Variants in SLC12A3 observed in about 807,000 individuals in gnomAD.
SLC12A3 encodes solute carrier family 12 member 3.
A neutral mutation model predicts 121.0 loss-of-function variants in SLC12A3; 104 were observed. The observed-to-expected ratio is 0.86, with a 90% CI of 0.73 to 1.01. The LOEUF is 1.01. Among genes scored for constraint, SLC12A3 ranks in the 50% least tolerant of loss-of-function variants. The pLI is 0.00. For missense variants in SLC12A3, 1,328 were observed against 1,356.3 expected, an observed-to-expected ratio of 0.98 and a Z score of 0.33; for synonymous variants, 536 against 533.4, an observed-to-expected ratio of 1.00 and a Z score of -0.07.
chr16:56,902,946 G>A (rs1052512136), intron 24 of SLC12A3, among the ~76,000 whole-genome samples: 11 of 152,076 alleles, frequency 7.2e-5, no homozygotes, highest in African/African-American at 2.4e-4. Flanking sequence ...AGGAGTTCAA[G>A]ACCAGCCTGA....
chr16:56,882,441 G>T lies in SLC12A3; in HGVS notation c.1613G>T (p.Cys538Phe). The change falls in exon 13 of 26, where the codon TGC (cysteine) becomes TTC (phenylalanine). Residue 538 changes from cysteine to phenylalanine, a missense_variant. Coordinates refer to ENST00000563236, the MANE Select transcript of SLC12A3 (RefSeq NM_001126108.2). ...CCCATCATTTCCAACTTCTTCCTCT[G>T]CTCCTATGCCCTCATCAACTTCAGC... ...IAPIISNFFL[C>F]SYALINFSCF... The T allele has an allele frequency of 6.2e-7, 1 of 1,614,058 alleles. No homozygotes were observed. The highest frequency in any genetic ancestry group is 8.5e-7 in the Non-Finnish European group (1 of 1,180,018).
rs1461849644 is a variant in SLC12A3 at position 56,912,953 on chromosome 16, T to TA, written c.2925-310dup. Among the ~76,000 whole-genome samples the TA allele has an allele frequency of 5.3e-5, 8 of 151,892 alleles. No individual in the cohort carries two copies. The East Asian group carries it at 1.5e-3, about 29-fold the overall frequency. ...GGCAGGAGTGAGCTTGGCATTTTTT[T>TA]AGGAATGGAAAGAAAGCCACAGGGC... On this transcript the variant is annotated intron_variant, in intron 25 of 25. Transcript: ENST00000563236.
chr16:56,909,123 G>A (rs1234315244), intron 25 of SLC12A3, among the ~76,000 whole-genome samples: 2 of 152,096 alleles, frequency 1.3e-5, no homozygotes, highest in African/African-American at 2.4e-5. Flanking sequence ...TCATTAAAAT[G>A]AGTCTCAGCT....
At chr16:56,912,568 C>T (rs1201061399) in intron 25 of SLC12A3, among the ~76,000 whole-genome samples, 3 of 152,284 alleles carry the variant, frequency 2.0e-5, no homozygotes, top group Admixed American at 6.5e-5. Context: ...TGGCATGAAG[C>T]GGGTGGCCTG....
intron 22 of SLC12A3, among the ~76,000 whole-genome samples, chr16:56,898,934 C>T (rs1398830889): frequency 6.6e-6 from 1 of 152,194 alleles, no homozygotes. Flanking sequence ...CAGGCCTCAC[C>T]CCAGACCAGC....
chr16:56,895,424 C>A (rs2055449499), intron 22 of SLC12A3, among the ~76,000 whole-genome samples: 1 of 150,738 alleles, frequency 6.6e-6, no homozygotes. Context: ...GAACTCCTGA[C>A]CTCAAGTGAT....
intron 19 of SLC12A3, among the ~76,000 whole-genome samples, chr16:56,890,909 A>C (rs1326803342): frequency 5.3e-5 from 8 of 151,918 alleles, no homozygotes; most frequent in African/African-American, 1.9e-4. Flanking sequence ...TCTCAAAAAA[A>C]AAAAAAAAGA....
rs1350018283 is a variant in SLC12A3, at chr16:56,908,164, T to TC, written c.2924+3702_2924+3703insC. Among the ~76,000 whole-genome samples, 3 of 141,096 alleles carry TC rather than the reference T, an allele frequency of 2.1e-5. No homozygotes were observed. The East Asian group carries it at 5.9e-4, about 28-fold the overall frequency. The allele number at this position is 141,096 out of a possible 152,430, so 92.6% of individuals were successfully genotyped here. On this transcript the variant is annotated intron_variant, in intron 25 of 25. Coordinates refer to ENST00000563236, the MANE Select transcript of SLC12A3 (RefSeq NM_001126108.2). ...CATTTCTCAGATAGTGATATAACTT[T>TC]TTTTTTTTTTTTTTTTGAGGCAGAG...
chr16:56,887,788 ATATATATATATTT>A lies in SLC12A3; in HGVS notation c.2179-135_2179-123del, dbSNP rs1567438592. 9.6e-5 allele frequency: 10 copies of A among 103,920 alleles called. No individual in the cohort carries two copies. The East Asian group carries it at 1.4e-3, about 14-fold the overall frequency. The allele number at this position is 103,920 out of a possible 1,614,324, so 6.4% of individuals were successfully genotyped here. On this transcript the variant is annotated intron_variant, in intron 17 of 25. Coordinates refer to ENST00000563236, the MANE Select transcript of SLC12A3 (RefSeq NM_001126108.2). ...TTTTTAAGATTATATATATATATAT[ATATATATATATTT>A]TTTTTTTTTTTTTTTTTGAGAATCA... is the stretch of plus-strand genomic sequence containing the variant.
intron 15 of SLC12A3, among the ~76,000 whole-genome samples, chr16:56,885,624 G>T (rs1467867711): frequency 6.6e-6 from 1 of 152,158 alleles, no homozygotes; most frequent in Non-Finnish European, 1.5e-5. Flanking sequence ...GTGTTGAGGT[G>T]ATTGTTGCTG....
At chr16:56,907,419 C>T (rs879720065) in intron 25 of SLC12A3, among the ~76,000 whole-genome samples, 6 of 150,974 alleles carry the variant, frequency 4.0e-5, no homozygotes, top group Non-Finnish European at 8.8e-5. Flanking sequence ...GATCATGCCA[C>T]TGCACTCCAG....
At position 56,878,140 on chromosome 16, in the gene SLC12A3, C is replaced by A; in HGVS notation, c.1159C>A (p.Leu387Met). Reference sequence around the variant, plus strand: ...CATTTTCTGGACGACCATTTCCTACCTGGCCATCTCAGCCACCATTGGTAA... The same window carrying A: ...CATTTTCTGGACGACCATTTCCTACATGGCCATCTCAGCCACCATTGGTAA... ...MAIFWTTISY[L>M]AISATIGSCV... Residue 387 changes from leucine (L) to methionine (M), a missense_variant, in exon 9 of 26, where the codon CTG becomes ATG. Transcript: ENST00000563236. 1 of 1,609,546 alleles carries A rather than the reference C, an allele frequency of 6.2e-7. No homozygotes were observed. The highest frequency in any genetic ancestry group is 8.5e-7 in the Non-Finnish European group (1 of 1,178,300).
intron 19 of SLC12A3, among the ~76,000 whole-genome samples, chr16:56,891,123 C>T (rs2055382595): frequency 1.3e-5 from 2 of 151,850 alleles, no homozygotes; most frequent in Admixed American, 1.3e-4. Flanking sequence ...TCTGTAATCC[C>T]AGCACTTTGG....
intron 17 of SLC12A3, 73 bp from the exon 18 acceptor site, chr16:56,887,852 G>A: frequency 1.2e-6 from 1 of 852,922 alleles, no homozygotes; most frequent in Non-Finnish European, 1.9e-6. Context: ...TCAGAAAGTT[G>A]GGGCTCTGGC....
intron 3 of SLC12A3, among the ~76,000 whole-genome samples, chr16:56,868,980 A>T (rs909679795): frequency 5.6e-5 from 8 of 142,518 alleles, no homozygotes; most frequent in African/African-American, 1.1e-4. Flanking sequence ...TCTCAAAAAA[A>T]ATAAAAAATA....
At chr16:56,893,149 A>C in intron 21 of SLC12A3, 95 bp downstream of exon 21, 1 of 1,030,700 alleles carries the variant, frequency 9.7e-7, no homozygotes, top group Non-Finnish European at 1.5e-6. Flanking sequence ...CTCAAAGGGG[A>C]CAGGGGCTCC....
chr16:56,902,360 T>C lies in SLC12A3; in HGVS notation c.2721-13T>C, dbSNP rs34772420. 214,125 of 1,613,760 alleles carry C rather than the reference T, an allele frequency of 0.13. 15,958 individuals are homozygous for C. Among genetic ancestry groups the C allele is most frequent in the African/African-American group, 0.3 (22,714 of 74,932 alleles). On this transcript the variant is annotated splice_polypyrimidine_tract_variant and intron_variant, in intron 23 of 25. Coordinates refer to ENST00000563236, the MANE Select transcript of SLC12A3 (RefSeq NM_001126108.2). ...TCGTCTCAGCCGGCCTCAACCCACTTTCTCGTCCCCAGCACCAAGAGGTTT... is the reference window on the plus strand; with the variant it reads ...TCGTCTCAGCCGGCCTCAACCCACTCTCTCGTCCCCAGCACCAAGAGGTTT...
At chr16:56,912,469 G>A (rs2055698985) in intron 25 of SLC12A3, among the ~76,000 whole-genome samples, 1 of 152,216 alleles carries the variant, frequency 6.6e-6, no homozygotes, top group South Asian at 2.1e-4. Context: ...GCAGGAGGCA[G>A]GACAAAGACG....
At chr16:56,886,691 C>G (rs891397748) in intron 16 of SLC12A3, among the ~76,000 whole-genome samples, 4 of 152,150 alleles carry the variant, frequency 2.6e-5, no homozygotes, top group African/African-American at 9.7e-5. Flanking sequence ...GCCAGGCACC[C>G]CCCATGGACC....
Sources: allele counts gnomAD v4.1 joint callset (sites outside exome capture counted in the v4.1 genomes callset), GRCh38; gene constraint gnomAD v4.1.1; transcripts MANE v1.5; gene names NCBI Gene and HGNC (gene_info 2026-07-23, HGNC 2026-07-21).